Variants in AMBRA1 observed in about 807,000 individuals in gnomAD.
AMBRA1 encodes activating molecule in BECN1-regulated autophagy protein 1.
Under a neutral mutation model 125.4 loss-of-function variants are expected in AMBRA1, and 47 were observed. The observed-to-expected ratio is 0.37, with a 90% CI of 0.30 to 0.48. The LOEUF (loss-of-function observed/expected upper bound fraction) is 0.48. AMBRA1 is among the 20% of genes least tolerant of loss of function. AMBRA1 has a pLI of 0.99. For synonymous variants in AMBRA1, 626 were observed against 655.5 expected (o/e 0.95, Z 0.69); for missense variants, 1,331 against 1,693.4 (o/e 0.79, Z 3.76).
Position 46,454,562 on chromosome 11 carries a change from C to G in AMBRA1, c.2522-10964G>C, listed in dbSNP as rs568555437. ...CATCCTGGCTAACACGGTGAAACCC[C>G]ATCTCCACTAAAAATACAAAAAAAA... is the stretch of plus-strand genomic sequence containing the variant. On this transcript the variant is annotated intron_variant, in intron 11 of 17. Transcript: ENST00000683756. Among the ~76,000 whole-genome samples, 490 of 139,514 alleles carry G rather than the reference C, an allele frequency of 3.5e-3. 1 individual carries two copies. The highest frequency in any genetic ancestry group is 4.9e-3 in the Non-Finnish European group (316 of 64,868). 91.5% of individuals were successfully genotyped at this position (139,514 alleles called of 152,430 possible).
chr11:46,543,758 T>C (rs933691762), intron 6 of AMBRA1, among the ~76,000 whole-genome samples: 1 of 152,230 alleles, frequency 6.6e-6, no homozygotes, highest in African/African-American at 2.4e-5. Context: ...TAAGGGTTAC[T>C]TCTAATGAGG....
intron 17 of AMBRA1, among the ~76,000 whole-genome samples, chr11:46,407,453 G>A (rs576424374): frequency 6.6e-6 from 1 of 152,252 alleles, no homozygotes; most frequent in East Asian, 1.9e-4. Context: ...CTGCAAAAAA[G>A]GGCCTGAAGA....
intron 8 of AMBRA1, among the ~76,000 whole-genome samples, chr11:46,512,406 C>T (rs1951293870): frequency 6.6e-6 from 1 of 152,198 alleles, no homozygotes; most frequent in Non-Finnish European, 1.5e-5. Flanking sequence ...GGCTGTCCAT[C>T]TGAATGACAA....
At chr11:46,584,527 A>G (rs2044298489) in intron 1 of AMBRA1, among the ~76,000 whole-genome samples, 1 of 152,020 alleles carries the variant, frequency 6.6e-6, no homozygotes. Flanking sequence ...GTATAATAAT[A>G]ATAATAAAAA....
chr11:46,407,300 G>A (rs1489922982), intron 17 of AMBRA1, among the ~76,000 whole-genome samples: 3 of 152,232 alleles, frequency 2.0e-5, no homozygotes, highest in Non-Finnish European at 2.9e-5. Flanking sequence ...GGGTTACTGG[G>A]AGCTCTGAGA....
At chr11:46,467,067 C>CCA (rs1189672407) in intron 11 of AMBRA1, among the ~76,000 whole-genome samples, 2 of 151,958 alleles carry the variant, frequency 1.3e-5, no homozygotes, top group African/African-American at 4.8e-5. Context: ...AAGGTGCACG[C>CCA]CACCACACCT....
intron 1 of AMBRA1, among the ~76,000 whole-genome samples, chr11:46,567,073 T>C (rs1204005296): frequency 1.3e-5 from 2 of 151,962 alleles, no homozygotes; most frequent in African/African-American, 4.8e-5. Context: ...AGTGTTTGTT[T>C]GTTTGTTTGT....
chr11:46,454,073 G>T (rs1296832248), intron 11 of AMBRA1, among the ~76,000 whole-genome samples: 2 of 152,164 alleles, frequency 1.3e-5, no homozygotes, highest in Non-Finnish European at 2.9e-5. Flanking sequence ...AGACTCTACT[G>T]AGGCCAAAGG....
chr11:46,457,606 A>G (rs559021051), intron 11 of AMBRA1, among the ~76,000 whole-genome samples: 1 of 152,284 alleles, frequency 6.6e-6, no homozygotes, highest in African/African-American at 2.4e-5. Context: ...ACGGTTGCTT[A>G]TAAGATGGGC....
chr11:46,400,049 T>C (rs1945660500), intron 17 of AMBRA1, among the ~76,000 whole-genome samples: 1 of 152,148 alleles, frequency 6.6e-6, no homozygotes, highest in South Asian at 2.1e-4. Context: ...CCTGTTGTGA[T>C]TAACTTGGGG....
intron 17 of AMBRA1, among the ~76,000 whole-genome samples, chr11:46,400,303 A>G (rs1945677321): frequency 6.6e-6 from 1 of 151,432 alleles, no homozygotes; most frequent in Non-Finnish European, 1.5e-5. Context: ...TATTTTTATG[A>G]GACTTTCTTT....
chr11:46,440,089 C>A (rs565202528), intron 12 of AMBRA1, among the ~76,000 whole-genome samples: 1 of 152,188 alleles, frequency 6.6e-6, no homozygotes, highest in Admixed American at 6.5e-5. Context: ...CCTGCAATTC[C>A]ATTTCTAGAA....
intron 11 of AMBRA1, among the ~76,000 whole-genome samples, chr11:46,461,074 T>A (rs1405686285): frequency 1.3e-5 from 2 of 152,134 alleles, no homozygotes; most frequent in Non-Finnish European, 2.9e-5. Context: ...GAGACTTTAT[T>A]GCTACAAAAA....
At chr11:46,427,601 G>A (rs1947210536) in intron 14 of AMBRA1, among the ~76,000 whole-genome samples, 1 of 152,178 alleles carries the variant, frequency 6.6e-6, no homozygotes. Flanking sequence ...GATCTTAAGT[G>A]GGGCTGAGAA....
intron 1 of AMBRA1, among the ~76,000 whole-genome samples, chr11:46,558,471 C>A (rs2043226129): frequency 6.7e-6 from 1 of 149,442 alleles, no homozygotes; most frequent in Admixed American, 6.7e-5. Context: ...ATCGCTTGAA[C>A]CCGGGAGGTG....
At chr11:46,572,817 G>A (rs886590286) in intron 1 of AMBRA1, among the ~76,000 whole-genome samples, 10 of 152,116 alleles carry the variant, frequency 6.6e-5, no homozygotes, top group Admixed American at 3.3e-4. Flanking sequence ...TTCTGAGCTG[G>A]GTATGGTGGC....
Position 46,593,830 on chromosome 11 carries a change from G to A in AMBRA1, c.-123C>T. On this transcript the variant is annotated splice_region_variant and 5_prime_UTR_variant, in exon 1 of 18. Coordinates refer to ENST00000683756, the MANE Select transcript of AMBRA1 (RefSeq NM_001387011.1). ...TCCCAGGCTCCTCCTGGGCCTACCT[G>A]CAAGGCAGACGGGAGCTCGGTTTGC... 1 of 396,224 alleles carries A rather than the reference G, an allele frequency of 2.5e-6. No individual in the cohort carries two copies. Among genetic ancestry groups the A allele is most frequent in the East Asian group, 3.6e-5 (1 of 27,998 alleles). The allele number at this position is 396,224 out of a possible 1,614,324, so 24.5% of individuals were successfully genotyped here.
At chr11:46,520,635 A>C (rs1245861562) in intron 7 of AMBRA1, among the ~76,000 whole-genome samples, 1 of 146,498 alleles carries the variant, frequency 6.8e-6, no homozygotes, top group Non-Finnish European at 1.5e-5. Flanking sequence ...TCGCTCTGTC[A>C]CCAAGGCTGG....
At chr11:46,406,569 T>C (rs146002988) in intron 17 of AMBRA1, among the ~76,000 whole-genome samples, 70 of 151,814 alleles carry the variant, frequency 4.6e-4, no homozygotes, top group African/African-American at 1.6e-3. Flanking sequence ...CACATACATA[T>C]ATACATACTA....
Sources: allele counts gnomAD v4.1 joint callset (sites outside exome capture counted in the v4.1 genomes callset), GRCh38; gene constraint gnomAD v4.1.1; transcripts MANE v1.5; gene names NCBI Gene and HGNC (gene_info 2026-07-23, HGNC 2026-07-21).